ZSWIM4: variants seen among roughly 807,000 people sequenced by gnomAD.
ZSWIM4 encodes the protein zinc finger SWIM-type containing 4, also known as zinc finger SWIM domain-containing protein 4.
Under a neutral mutation model 102.5 loss-of-function variants are expected in ZSWIM4, and 62 were observed. That is an observed-to-expected ratio of 0.60 (90% CI 0.49 to 0.75). The LOEUF is 0.75. Among genes scored for constraint, ZSWIM4 ranks in the 30% least tolerant of loss-of-function variants. ZSWIM4 has a pLI of 0.00. For missense variants in ZSWIM4, 1,280 were observed against 1,529.6 expected (o/e 0.84, Z 2.72); for synonymous variants, 652 against 674.5 (o/e 0.97, Z 0.52).
chr19:13,820,313 G>C (rs750637974), intron 10 of ZSWIM4, among the ~76,000 whole-genome samples: 4 of 151,968 alleles, frequency 2.6e-5, no homozygotes, highest in Admixed American at 6.6e-5. Flanking sequence ...TCTGCTCAGT[G>C]CAACCTCTGC....
chr19:13,823,557 C>T, intron 11 of ZSWIM4, 57 bp downstream of exon 11: 1 of 1,530,900 alleles, frequency 6.5e-7, no homozygotes, highest in African/African-American at 1.4e-5. Flanking sequence ...TCTCCTTCTT[C>T]CTTCCCTCTT....
At chr19:13,811,513 G>C (rs1213417717) in intron 5 of ZSWIM4, among the ~76,000 whole-genome samples, 1 of 151,894 alleles carries the variant, frequency 6.6e-6, no homozygotes, top group Non-Finnish European at 1.5e-5. Context: ...CCGGGCAACA[G>C]AGCAAGACCC....
At chr19:13,817,452 A>C (rs1342989905) in intron 8 of ZSWIM4, 99 bp downstream of exon 8, 1 of 1,468,654 alleles carries the variant, frequency 6.8e-7, no homozygotes, top group Admixed American at 2.0e-5. Flanking sequence ...CCAGACTCTG[A>C]CCCTTGGCCA....
At position 13,825,532 on chromosome 19, in the gene ZSWIM4, G is replaced by C. The variant is rs367679940; in HGVS notation, c.2216-18G>C. The C allele has an allele frequency of 1.7e-5, 28 of 1,612,060 alleles. No homozygotes were observed. Among genetic ancestry groups the C allele is most frequent in the Non-Finnish European group, 2.4e-5 (28 of 1,178,686 alleles). ...TGAGGTGTATCCGATGGTGTCCTCT[G>C]TCCCGCCCTTCACCCAGGAGACCCC... On this transcript the variant is annotated intron_variant, in intron 11 of 13. Coordinates refer to ENST00000590508, the MANE Select transcript of ZSWIM4 (RefSeq NM_001367834.3). The surrounding 1 kb of genome is among the most constrained non-coding windows in gnomAD (Gnocchi z 4.6).
intron 2 of ZSWIM4, among the ~76,000 whole-genome samples, chr19:13,801,111 C>T (rs1195359916): frequency 2.0e-5 from 3 of 151,452 alleles, no homozygotes; most frequent in African/African-American, 7.3e-5. Flanking sequence ...CCACCGTACT[C>T]CAGCCTGGGT....
intron 2 of ZSWIM4, among the ~76,000 whole-genome samples, chr19:13,803,206 G>T (rs1332887898): frequency 1.3e-5 from 2 of 152,212 alleles, no homozygotes; most frequent in Non-Finnish European, 2.9e-5. Context: ...CCTCCAGCTG[G>T]TATGAGGAAG....
intron 1 of ZSWIM4, among the ~76,000 whole-genome samples, chr19:13,799,089 A>AT (rs1268710686): frequency 4.0e-5 from 6 of 150,432 alleles, no homozygotes; most frequent in South Asian, 2.1e-4. Context: ...GCCCTGACCT[A>AT]TTTTTTTTGA....
At chr19:13,799,644 A>C in intron 1 of ZSWIM4, 76 bp from the exon 2 acceptor site, 4 of 1,431,828 alleles carry the variant, frequency 2.8e-6, no homozygotes, top group Non-Finnish European at 3.9e-6. Flanking sequence ...GCCTCAAGCG[A>C]TCCTCCCTCC....
At chr19:13,815,017 C>A in intron 7 of ZSWIM4, 152 bp downstream of exon 7, 1 of 365,760 alleles carries the variant, frequency 2.7e-6, no homozygotes, top group Non-Finnish European at 4.6e-6. Flanking sequence ...AAAAAATTAG[C>A]TGGATGTGGT....
At position 13,819,386 on chromosome 19, in the gene ZSWIM4, C is replaced by A; in HGVS notation, c.1954C>A (p.Leu652Met). 6.2e-6 allele frequency: 10 copies of A among 1,613,746 alleles called. No homozygotes were observed. Among genetic ancestry groups the A allele is most frequent in the Non-Finnish European group, 8.5e-6 (10 of 1,179,872 alleles). Residue 652 changes from leucine (L) to methionine (M), a missense_variant, in exon 10 of 14, where the codon CTG becomes ATG. Coordinates refer to ENST00000590508, the MANE Select transcript of ZSWIM4 (RefSeq NM_001367834.3). ...GGPFSGFGEV[L>M]FRESVPMHTC... is the part of the protein sequence containing the mutation. The stretch of plus-strand genomic sequence containing the variant: ...TCCCTTCAGTGGCTTTGGGGAGGTG[C>A]TGTTCCGGGAGAGCGTGCCCATGCA...
chr19:13,798,871 C>A (rs149019798), intron 1 of ZSWIM4, among the ~76,000 whole-genome samples: 1,898 of 152,342 alleles, frequency 0.012, 20 homozygotes, highest in Middle Eastern at 0.037. Context: ...TCACTGCAAC[C>A]TCCGCCTCCC....
intron 2 of ZSWIM4, among the ~76,000 whole-genome samples, chr19:13,801,671 C>CTT (rs755133549): frequency 8.0e-6 from 1 of 125,464 alleles, no homozygotes; most frequent in Non-Finnish European, 1.6e-5. Flanking sequence ...GTTTAGAATT[C>CTT]TTTTTTTTTT....
At chr19:13,820,725 C>T (rs886373388) in intron 10 of ZSWIM4, among the ~76,000 whole-genome samples, 4 of 152,152 alleles carry the variant, frequency 2.6e-5, no homozygotes, top group South Asian at 2.1e-4. Flanking sequence ...GGAAATTGAA[C>T]GTTGATCCTC....
chr19:13,812,363 G>A (rs1446272200), intron 5 of ZSWIM4, among the ~76,000 whole-genome samples: 7 of 150,148 alleles, frequency 4.7e-5, no homozygotes, highest in African/African-American at 1.5e-4. Flanking sequence ...GTGTGATCTC[G>A]GCTCACTGCA....
At chr19:13,828,834 C>A in intron 13 of ZSWIM4, 108 bp downstream of exon 13, 1 of 1,073,048 alleles carries the variant, frequency 9.3e-7, no homozygotes, top group Non-Finnish European at 1.4e-6. Context: ...GGTGCGGTGG[C>A]TCACACCTGT....
chr19:13,807,754 C>CATGGATGG lies in ZSWIM4; in HGVS notation c.713-1049_713-1042dup, dbSNP rs368459784. ...GGACAGATGGATGCATGGATGGATG[C>CATGGATGG]ATGGATGGATGGATGGATGGATGGA... is the stretch of plus-strand genomic sequence containing the variant. On this transcript the variant is annotated intron_variant, in intron 3 of 13. Coordinates refer to ENST00000590508, the MANE Select transcript of ZSWIM4 (RefSeq NM_001367834.3). Among the ~76,000 whole-genome samples the CATGGATGG allele has an allele frequency of 9.4e-3, 1,316 of 139,298 alleles. 6 individuals are homozygous for CATGGATGG. The highest frequency in any genetic ancestry group is 0.018 in the African/African-American group (681 of 38,250). The allele number at this position is 139,298 out of a possible 152,430, so 91.4% of individuals were successfully genotyped here. A position where few individuals can be genotyped will look rare whatever the true frequency, so the allele number is the denominator to read the frequency against.
In ZSWIM4 at chr19:13,823,378, G is replaced by A. The variant is rs1975519085; in HGVS notation, c.2093G>A (p.Gly698Glu). 6.2e-7 allele frequency: 1 copy of A among 1,614,006 alleles called. No homozygotes were observed. The highest frequency in any genetic ancestry group is 8.5e-7 in the Non-Finnish European group (1 of 1,179,972). The change falls in exon 11 of 14, where the codon GGA (glycine) becomes GAA (glutamate). Residue 698 changes from glycine to glutamate, a missense_variant. By Grantham distance (98) the Gly-to-Glu change is moderately conservative. Coordinates refer to ENST00000590508, the MANE Select transcript of ZSWIM4 (RefSeq NM_001367834.3). The part of the protein sequence containing the change: ...LPILETAFPA[G>E]EPHPSPLDSI... ...ATACTGGAGACAGCATTTCCTGCTGGAGAACCTCATCCCAGCCCGCTGGAC... is the reference window on the plus strand; with the variant it reads ...ATACTGGAGACAGCATTTCCTGCTGAAGAACCTCATCCCAGCCCGCTGGAC...
At chr19:13,815,456 A>ATTTTTTTTTTTTTTTTTTTTTTTTTTT (rs758486796) in intron 7 of ZSWIM4, 1 of 58,160 alleles carries the variant, frequency 1.7e-5, no homozygotes, top group Non-Finnish European at 3.2e-5. Context: ...GTGCCTGGAA[A>ATTTTTTTTTTTTTTTTTTTTTTTTTTT]TTTTTTTTTT....
At chr19:13,828,793 A>T in intron 13 of ZSWIM4, 67 bp downstream of exon 13, 1 of 1,486,024 alleles carries the variant, frequency 6.7e-7, no homozygotes, top group Non-Finnish European at 9.4e-7. Context: ...CACTGAGAGA[A>T]CCAGGCAGAC....
Sources: gnomAD v4.1 joint callset for allele counts (sites outside exome capture counted in the v4.1 genomes callset) on GRCh38, gnomAD v4.1.1 for gene constraint, Gnocchi (gnomAD v3.1) non-coding constraint, MANE v1.5 for transcripts, NCBI Gene and HGNC (gene_info 2026-07-23, HGNC 2026-07-21) for gene names.